Variants in SCRN1 observed in about 807,000 individuals in gnomAD.
SCRN1 encodes the protein secernin-1.
Under a neutral mutation model 43.3 loss-of-function variants are expected in SCRN1, and 19 were observed. The ratio of observed to expected loss-of-function variants is 0.44; its 90% CI spans 0.31 to 0.64. The LOEUF (loss-of-function observed/expected upper bound fraction) is 0.64. Among genes scored for constraint, SCRN1 ranks in the 30% least tolerant of loss-of-function variants. SCRN1 has a pLI of 0.09. For missense variants in SCRN1, 447 were observed against 524.1 expected (o/e 0.85, Z 1.44); for synonymous variants, 183 against 188.9 (o/e 0.97, Z 0.26).
At chr7:29,945,147 C>G (rs943534689) in intron 3 of SCRN1, among the ~76,000 whole-genome samples, 3 of 152,182 alleles carry the variant, frequency 2.0e-5, no homozygotes, top group Non-Finnish European at 4.4e-5. Flanking sequence ...CTTCAGTCAT[C>G]AAAAGAATAT....
At chr7:29,936,156 A>G (rs557476960) in intron 6 of SCRN1, among the ~76,000 whole-genome samples, 1 of 152,190 alleles carries the variant, frequency 6.6e-6, no homozygotes, top group South Asian at 2.1e-4. Context: ...TGTTTTGATA[A>G]ATCATGAGCA....
chr7:29,978,429 A>T (rs1788896792), intron 1 of SCRN1, among the ~76,000 whole-genome samples: 1 of 152,094 alleles, frequency 6.6e-6, no homozygotes, highest in Non-Finnish European at 1.5e-5. Flanking sequence ...ACTCTCTGAC[A>T]CGGAGGCCAA....
At position 29,935,401 on chromosome 7, in the gene SCRN1, A is replaced by C. The variant is rs975701233; in HGVS notation, c.905+1155T>G. ...AATATTTTCAGCTGCAAAAGGAATG[A>C]AATTTAATACCAGCAAATACCTTGG... On this transcript the variant is annotated intron_variant, in intron 6 of 7. Coordinates refer to ENST00000242059, the MANE Select transcript of SCRN1 (RefSeq NM_014766.5). Among the ~76,000 whole-genome samples, 7 of 152,240 alleles carry C rather than the reference A, an allele frequency of 4.6e-5. No individual in the cohort carries two copies. In the South Asian group the frequency reaches 8.3e-4, roughly 18 times the overall value.
At chr7:29,971,793 C>T (rs1462701496) in intron 1 of SCRN1, among the ~76,000 whole-genome samples, 5 of 152,130 alleles carry the variant, frequency 3.3e-5, no homozygotes, top group Non-Finnish European at 7.4e-5. Context: ...TTAGAAACCT[C>T]TTTGTATGGG....
intron 2 of SCRN1, among the ~76,000 whole-genome samples, chr7:29,955,697 C>A (rs2128094104): frequency 6.6e-6 from 1 of 152,316 alleles, no homozygotes. Flanking sequence ...TTGAACACAG[C>A]TATTTACGAG....
intron 4 of SCRN1, among the ~76,000 whole-genome samples, chr7:29,941,610 T>G (rs951905241): frequency 6.6e-6 from 1 of 152,220 alleles, no homozygotes; most frequent in African/African-American, 2.4e-5. Flanking sequence ...TTGAAAAATC[T>G]ATGGGAAATT....
chr7:29,956,544 G>A (rs1471335280), intron 2 of SCRN1, among the ~76,000 whole-genome samples: 1 of 152,090 alleles, frequency 6.6e-6, no homozygotes, highest in African/African-American at 2.4e-5. Flanking sequence ...CAGCTATATC[G>A]ACTGAATGCA....
rs1271015998 is a variant in SCRN1 at position 29,922,982 on chromosome 7, T to C, written c.*975A>G. 6.6e-6 allele frequency: 1 copy of C among 152,238 alleles called. No homozygotes were observed. Among genetic ancestry groups the C allele is most frequent in the East Asian group, 1.9e-4 (1 of 5,196 alleles). The allele number at this position is 152,238 out of a possible 1,614,324, so 9.4% of individuals were successfully genotyped here. On this transcript the variant is annotated 3_prime_UTR_variant, in exon 8 of 8. Transcript: ENST00000242059. The stretch of plus-strand genomic sequence containing the variant: ...GTAGTGACTGCTAGGATTCCAGATA[T>C]TTAACTAGAATCTAAATAGTCAAGA...
At chr7:29,962,285 A>G (rs1439566182) in intron 2 of SCRN1, among the ~76,000 whole-genome samples, 1 of 147,974 alleles carries the variant, frequency 6.8e-6, no homozygotes, top group Non-Finnish European at 1.5e-5. Flanking sequence ...TTAAATTATT[A>G]TATAATAAAT....
chr7:29,986,003 G>A (rs1245825622), intron 1 of SCRN1, among the ~76,000 whole-genome samples: 1 of 152,258 alleles, frequency 6.6e-6, no homozygotes, highest in Non-Finnish European at 1.5e-5. Context: ...GGGAGGCCGA[G>A]GCGGGCAGAT....
intron 1 of SCRN1, among the ~76,000 whole-genome samples, chr7:29,976,001 G>A (rs1024497933): frequency 6.6e-6 from 1 of 152,218 alleles, no homozygotes; most frequent in African/African-American, 2.4e-5. Context: ...AAGGATGGAA[G>A]TTGTAAATGT....
At chr7:29,963,837 T>C (rs147997887) in intron 2 of SCRN1, among the ~76,000 whole-genome samples, 18 of 152,344 alleles carry the variant, frequency 1.2e-4, no homozygotes, top group African/African-American at 4.1e-4. Flanking sequence ...ACAATCTCTA[T>C]AGAAAAATCT....
At chr7:29,982,217 C>T (rs1233486351) in intron 1 of SCRN1, among the ~76,000 whole-genome samples, 1 of 152,222 alleles carries the variant, frequency 6.6e-6, no homozygotes. Flanking sequence ...AAAATAATCA[C>T]AATCATAACA....
chr7:29,957,692 G>T (rs1429791323), intron 2 of SCRN1, among the ~76,000 whole-genome samples: 2 of 152,180 alleles, frequency 1.3e-5, no homozygotes, highest in Non-Finnish European at 1.5e-5. Flanking sequence ...AAAGTCCAAA[G>T]AAATGAGGAA....
At chr7:29,981,054 C>T (rs1302607940) in intron 1 of SCRN1, among the ~76,000 whole-genome samples, 1 of 152,000 alleles carries the variant, frequency 6.6e-6, no homozygotes, top group Non-Finnish European at 1.5e-5. Context: ...AAATTCTTTA[C>T]AGCAAGCTCA....
chr7:29,940,679 C>G lies in SCRN1; in HGVS notation c.739+3G>C, dbSNP rs767965419. On this transcript the variant is annotated splice_donor_region_variant and intron_variant, in intron 5 of 7. Coordinates refer to ENST00000242059, the MANE Select transcript of SCRN1 (RefSeq NM_014766.5). ...GAGAATCGTGAGGGAGAGACTAACT[C>G]ACCTTCTTGTTTTTCTAAGCTGTCT... 1.9e-6 allele frequency: 3 copies of G among 1,592,040 alleles called. No individual in the cohort carries two copies. Among genetic ancestry groups the G allele is most frequent in the Non-Finnish European group, 1.7e-6 (2 of 1,173,400 alleles).
intron 1 of SCRN1, among the ~76,000 whole-genome samples, chr7:29,974,947 G>C (rs868134697): frequency 6.6e-6 from 1 of 152,162 alleles, no homozygotes; most frequent in African/African-American, 2.4e-5. Flanking sequence ...CTCCCAAAGT[G>C]CTGGGATTAC....
chr7:29,928,119 T>A (rs1205838711), intron 6 of SCRN1, among the ~76,000 whole-genome samples: 1 of 152,042 alleles, frequency 6.6e-6, no homozygotes, highest in African/African-American at 2.4e-5. Flanking sequence ...CGAGACTTTG[T>A]CTCAAAAACA....
intron 3 of SCRN1, among the ~76,000 whole-genome samples, chr7:29,945,094 C>A (rs1168016540): frequency 2.0e-5 from 3 of 152,184 alleles, no homozygotes; most frequent in Non-Finnish European, 4.4e-5. Context: ...CTACATATTT[C>A]TCCTCCTGCC....
Sources: gnomAD v4.1 joint callset for allele counts (sites outside exome capture counted in the v4.1 genomes callset) on GRCh38, gnomAD v4.1.1 for gene constraint, MANE v1.5 for transcripts, NCBI Gene and HGNC (gene_info 2026-07-23, HGNC 2026-07-21) for gene names.